Variants in SND1 observed in about 807,000 individuals in gnomAD.
The protein encoded by SND1 is staphylococcal nuclease and tudor domain containing 1, also known as staphylococcal nuclease domain-containing protein 1.
A neutral mutation model predicts 121.7 loss-of-function variants in SND1; 38 were observed. The ratio of observed to expected loss-of-function variants is 0.31; its 90% confidence interval spans 0.24 to 0.41. SND1 has a LOEUF of 0.41. Among genes scored for constraint, SND1 ranks in the 10% least tolerant of loss-of-function variants. The probability of loss-of-function intolerance (pLI) is 1.00; values close to 1 mark genes in which losing one functional copy is unlikely to be tolerated. For missense variants in SND1, 868 were observed against 1,184.6 expected (o/e 0.73, Z 3.92); for synonymous variants, 401 against 447.4 (o/e 0.90, Z 1.31).
intron 13 of SND1, among the ~76,000 whole-genome samples, chr7:127,894,809 CTTTTT>C (rs11302537): frequency 7.1e-6 from 1 of 141,572 alleles, no homozygotes; most frequent in Admixed American, 7.1e-5. Context: ...CTCTTTATTC[CTTTTT>C]TTTTTTTTTT....
intron 2 of SND1, 177 bp downstream of exon 2, chr7:127,686,939 T>C (rs1270915620): frequency 1.3e-5 from 8 of 625,158 alleles, no homozygotes; most frequent in Non-Finnish European, 2.1e-5. Flanking sequence ...ATATGTTTAC[T>C]ACCTTTAGTG....
At chr7:128,011,375 T>A (rs1005230131) in intron 16 of SND1, among the ~76,000 whole-genome samples, 1 of 152,204 alleles carries the variant, frequency 6.6e-6, no homozygotes, top group Non-Finnish European at 1.5e-5. Context: ...GGGCCTCAAC[T>A]CCTGGGGAGA....
chr7:127,667,349 ATC>A (rs1001867655), intron 1 of SND1, among the ~76,000 whole-genome samples: 12 of 152,160 alleles, frequency 7.9e-5, no homozygotes, highest in African/African-American at 2.9e-4. Context: ...ATATTTCAAG[ATC>A]TCTGGTTGGC....
At chr7:127,911,075 C>T (rs1221739441) in intron 14 of SND1, among the ~76,000 whole-genome samples, 1 of 152,206 alleles carries the variant, frequency 6.6e-6, no homozygotes, top group African/African-American at 2.4e-5. Context: ...TTGGGTTATC[C>T]TGGTGGCTTC....
In SND1 at chr7:128,056,032, A is replaced by AT. The variant is rs1327812076; in HGVS notation, c.1780-18463dup. On this transcript the variant is annotated intron_variant, in intron 16 of 23. Coordinates refer to ENST00000354725, the MANE Select transcript of SND1 (RefSeq NM_014390.4). The stretch of plus-strand genomic sequence containing the variant: ...TGGGCAAGTTCTTCTCTAAGCCTCC[A>AT]TTTTTTTATTAGTAAAATGGGACTT... Among the ~76,000 whole-genome samples the AT allele has an allele frequency of 2.0e-5, 3 of 152,278 alleles. No individual in the cohort carries two copies. The South Asian group carries it at 6.2e-4, about 32-fold the overall frequency.
intron 1 of SND1, among the ~76,000 whole-genome samples, chr7:127,658,386 C>CT (rs1203627750): frequency 1.3e-5 from 2 of 152,128 alleles, no homozygotes; most frequent in African/African-American, 4.8e-5. Flanking sequence ...AGGATTAAGA[C>CT]TAAGATTTTC....
At chr7:127,821,119 C>T (rs1325535095) in intron 11 of SND1, among the ~76,000 whole-genome samples, 1 of 152,204 alleles carries the variant, frequency 6.6e-6, no homozygotes, top group Non-Finnish European at 1.5e-5. Flanking sequence ...CCTTCTTTAA[C>T]TGTCATTTTC....
At chr7:128,008,687 TC>T (rs1417332465) in intron 16 of SND1, among the ~76,000 whole-genome samples, 1 of 152,116 alleles carries the variant, frequency 6.6e-6, no homozygotes, top group Non-Finnish European at 1.5e-5. Flanking sequence ...CCCTCTACTC[TC>T]CCATGAGGCT....
At chr7:127,695,032 G>T in intron 3 of SND1, 84 bp downstream of exon 3, 1 of 1,529,078 alleles carries the variant, frequency 6.5e-7, no homozygotes, top group Non-Finnish European at 8.9e-7. Flanking sequence ...GGCCAGTGTG[G>T]GTTCTGGTGG....
chr7:127,711,607 C>G (rs1431185004), intron 9 of SND1, among the ~76,000 whole-genome samples: 2 of 152,042 alleles, frequency 1.3e-5, no homozygotes, highest in African/African-American at 4.8e-5. Context: ...GCATATTATG[C>G]CTCAATGTTT....
intron 10 of SND1, among the ~76,000 whole-genome samples, chr7:127,768,590 C>T (rs1797459936): frequency 6.6e-6 from 1 of 152,096 alleles, no homozygotes; most frequent in Non-Finnish European, 1.5e-5. Context: ...TGTGAACATC[C>T]CTGTGGTTGG....
At position 128,010,221 on chromosome 7, in the gene SND1, C is replaced by T. The variant is rs531002604; in HGVS notation, c.1779+19165C>T. 8.5e-5 allele frequency among the ~76,000 whole-genome samples: 13 copies of T among 152,310 alleles called. No individual in the cohort carries two copies. The South Asian group carries it at 2.7e-3, about 32-fold the overall frequency. On this transcript the variant is annotated intron_variant, in intron 16 of 23. Transcript: ENST00000354725. Reference sequence around the variant, plus strand: ...ACTTGTTGAATGCTTATAATGAATCCATTCATTAGGATGACACAGTATAGT... The same window carrying T: ...ACTTGTTGAATGCTTATAATGAATCTATTCATTAGGATGACACAGTATAGT...
intron 10 of SND1, among the ~76,000 whole-genome samples, chr7:127,796,942 G>A (rs1798040081): frequency 6.8e-6 from 1 of 146,300 alleles, no homozygotes; most frequent in Non-Finnish European, 1.5e-5. Context: ...ACCCAGGCTG[G>A]AGTGCAGTGG....
At chr7:128,058,496 T>G (rs930086654) in intron 16 of SND1, among the ~76,000 whole-genome samples, 1 of 152,220 alleles carries the variant, frequency 6.6e-6, no homozygotes, top group Non-Finnish European at 1.5e-5. Flanking sequence ...GGTACCTCTG[T>G]GCAGTTCTGC....
chr7:128,073,342 G>A (rs1793447056), intron 16 of SND1, among the ~76,000 whole-genome samples: 1 of 152,112 alleles, frequency 6.6e-6, no homozygotes, highest in Non-Finnish European at 1.5e-5. Flanking sequence ...AGTTGTCATT[G>A]AACCTGCATT....
rs535285523 is a variant in SND1, at chr7:127,776,876, A to T, written c.1153-30608A>T. On this transcript the variant is annotated intron_variant, in intron 10 of 23. Coordinates refer to ENST00000354725, the MANE Select transcript of SND1 (RefSeq NM_014390.4). ...GTAGACAAGGCCCCATTTAACTGCAACTCAGAACAGAAATTTCTGCTAGGG... is the reference window on the plus strand; with the variant it reads ...GTAGACAAGGCCCCATTTAACTGCATCTCAGAACAGAAATTTCTGCTAGGG... 1.1e-4 allele frequency among the ~76,000 whole-genome samples: 16 copies of T among 152,322 alleles called. No homozygotes were observed. In the South Asian group the frequency reaches 2.9e-3, roughly 28 times the overall value.
chr7:127,918,554 A>T (rs530132331), intron 14 of SND1, among the ~76,000 whole-genome samples: 2 of 152,278 alleles, frequency 1.3e-5, no homozygotes, highest in African/African-American at 4.8e-5. Flanking sequence ...TAAGTATTGT[A>T]AGCTCTTTTC....
intron 16 of SND1, among the ~76,000 whole-genome samples, chr7:128,033,993 A>G (rs1792701709): frequency 6.6e-6 from 1 of 152,210 alleles, no homozygotes; most frequent in South Asian, 2.1e-4. Context: ...ACCCAGTGAA[A>G]GTAATTGCCA....
intron 2 of SND1, among the ~76,000 whole-genome samples, chr7:127,688,436 G>A (rs1278456246): frequency 6.6e-6 from 1 of 151,936 alleles, no homozygotes; most frequent in Non-Finnish European, 1.5e-5. Flanking sequence ...GGCTGGCCAT[G>A]GTGGCTCATA....
Sources: allele counts gnomAD v4.1 joint callset (sites outside exome capture counted in the v4.1 genomes callset), GRCh38; gene constraint gnomAD v4.1.1; transcripts MANE v1.5; gene names NCBI Gene and HGNC (gene_info 2026-07-23, HGNC 2026-07-21).